The following MCTP1 variants were observed in gnomAD, a reference collection of about 807,000 sequenced individuals.
MCTP1 encodes the protein multiple C2 and transmembrane domain containing 1.
MCTP1 carries 69 observed loss-of-function variants against 120.6 expected under a neutral mutation model. That is an observed-to-expected ratio of 0.57 (90% CI 0.47 to 0.70). The LOEUF (loss-of-function observed/expected upper bound fraction) is 0.70, where lower values mean the gene tolerates loss of function less well. Ranked by LOEUF, MCTP1 falls within the 30% of genes least tolerant of loss-of-function variation. The pLI is 0.00. For missense variants in MCTP1, 1,203 were observed against 1,248.8 expected, an observed-to-expected ratio of 0.96 and a Z score of 0.55; for synonymous variants, 529 against 493.1, an observed-to-expected ratio of 1.07 and a Z score of -0.96.
chr5:94,856,478 T>C (rs1794743656), intron 17 of MCTP1, among the ~76,000 whole-genome samples: 1 of 151,740 alleles, frequency 6.6e-6, no homozygotes. Flanking sequence ...TATTTGAGGA[T>C]AAAATGCATT....
chr5:95,038,718 G>A (rs1027213914), intron 1 of MCTP1, among the ~76,000 whole-genome samples: 1 of 152,208 alleles, frequency 6.6e-6, no homozygotes, highest in Non-Finnish European at 1.5e-5. Flanking sequence ...ACACATTTAT[G>A]CAGTGTTTAC....
At chr5:95,047,317 C>G (rs1207859189) in intron 1 of MCTP1, among the ~76,000 whole-genome samples, 1 of 152,106 alleles carries the variant, frequency 6.6e-6, no homozygotes, top group Non-Finnish European at 1.5e-5. Context: ...GACCACGGAG[C>G]ACTGAGCAGG....
At chr5:95,194,191 G>C (rs1344036024) in intron 1 of MCTP1, among the ~76,000 whole-genome samples, 1 of 152,036 alleles carries the variant, frequency 6.6e-6, no homozygotes, top group South Asian at 2.1e-4. Flanking sequence ...AACAGAGTAA[G>C]AGTGAGACAC....
At position 94,912,946 on chromosome 5, in the gene MCTP1, G is replaced by C. The variant is rs541358735; in HGVS notation, c.1381C>G (p.Leu461Val). ...FQTQSLRLSD[L>V]HRKSHLWRGI... ...CTCCAAAGATGCGATTTTCTGTGTAGGTCTGATAGGCGTAAACTTTGGGTC... is the reference window on the plus strand; with the variant it reads ...CTCCAAAGATGCGATTTTCTGTGTACGTCTGATAGGCGTAAACTTTGGGTC... The change falls in exon 9 of 23, where the codon CTA becomes GTA. Residue 461 changes from leucine (L) to valine (V), a missense_variant. Leu to Val is a conservative substitution (Grantham distance 32). Transcript: ENST00000515393. 8.1e-6 allele frequency: 13 copies of C among 1,598,994 alleles called. No individual in the cohort carries two copies. The South Asian group carries it at 1.5e-4, about 18-fold the overall frequency.
In MCTP1 at chr5:95,284,729, C is replaced by G. The variant is rs936629810; in HGVS notation, c.-154G>C. 8.6e-5 allele frequency among the ~76,000 whole-genome samples: 13 copies of G among 151,760 alleles called. No homozygotes were observed. The highest frequency in any genetic ancestry group is 1.5e-4 in the Non-Finnish European group (10 of 67,870). ...AGCAGCAGAAACCGGGAGTGCCCAG[C>G]GACTTCAGGCCAGCTCGGGGGAAAG... On this transcript the variant is annotated 5_prime_UTR_variant, in exon 1 of 23. Transcript: ENST00000515393. This position sits in a 1 kb window ranked among gnomAD's most constrained non-coding sequence, Gnocchi z 5.2.
chr5:94,974,209 T>C lies in MCTP1; in HGVS notation c.839-20848A>G, dbSNP rs557647946. ...TCATATGTGGAATGATTTATTTCAA[T>C]TGAGATAACAGTTACTAATTATCTA... On this transcript the variant is annotated intron_variant, in intron 2 of 22. Transcript: ENST00000515393. 5.9e-5 allele frequency among the ~76,000 whole-genome samples: 9 copies of C among 152,306 alleles called. No individual in the cohort carries two copies. In the South Asian group the frequency reaches 1.9e-3, roughly 32 times the overall value.
At chr5:94,954,685 A>T (rs1822111218) in intron 2 of MCTP1, among the ~76,000 whole-genome samples, 1 of 152,198 alleles carries the variant, frequency 6.6e-6, no homozygotes, top group Non-Finnish European at 1.5e-5. Flanking sequence ...ATCTTCACTG[A>T]TTTAAATAGT....
At chr5:94,949,916 T>C (rs901348575) in intron 3 of MCTP1, among the ~76,000 whole-genome samples, 5 of 152,116 alleles carry the variant, frequency 3.3e-5, no homozygotes, top group Non-Finnish European at 2.9e-5. Context: ...ATAAAAATGA[T>C]GCAATTTTTA....
At chr5:95,068,120 TTA>T (rs1386586659) in intron 1 of MCTP1, among the ~76,000 whole-genome samples, 1 of 152,212 alleles carries the variant, frequency 6.6e-6, no homozygotes, top group African/African-American at 2.4e-5. Context: ...AAATTTATCA[TTA>T]TCCTATTTAA....
chr5:94,900,889 A>G (rs1805343792), intron 10 of MCTP1, among the ~76,000 whole-genome samples: 1 of 152,238 alleles, frequency 6.6e-6, no homozygotes, highest in Non-Finnish European at 1.5e-5. Flanking sequence ...CATGGATGAA[A>G]AAGTACTTTG....
At chr5:94,888,277 C>T (rs967196174) in intron 12 of MCTP1, among the ~76,000 whole-genome samples, 2 of 152,148 alleles carry the variant, frequency 1.3e-5, no homozygotes, top group Non-Finnish European at 2.9e-5. Context: ...TAGTATTATG[C>T]AAATCAGGAA....
rs145606617 is a variant in MCTP1, at chr5:94,706,578, G to GTTTTTTTTTTTTTTT, written c.*917_*918insAAAAAAAAAAAAAAA. On this transcript the variant is annotated 3_prime_UTR_variant, in exon 23 of 23. Coordinates refer to ENST00000515393, the MANE Select transcript of MCTP1 (RefSeq NM_024717.7). ...TTTCAGTAATCTAATGAGAAAGCAG[G>GTTTTTTTTTTTTTTT]TTTTTTTTTTCTCTGAGAGCACTTG... is the stretch of plus-strand genomic sequence containing the variant. 1 of 146,670 alleles carries GTTTTTTTTTTTTTTT rather than the reference G, an allele frequency of 6.8e-6. No homozygotes were observed. The allele number at this position is 146,670 out of a possible 1,614,324, so 9.1% of individuals were successfully genotyped here. A position where few individuals can be genotyped will look rare whatever the true frequency, so the allele number is the denominator to read the frequency against.
At chr5:94,895,979 T>C (rs1199019984) in intron 10 of MCTP1, among the ~76,000 whole-genome samples, 2 of 152,108 alleles carry the variant, frequency 1.3e-5, no homozygotes, top group Admixed American at 6.6e-5. Context: ...TCCTGAGAAA[T>C]TGAGAGATTA....
At chr5:95,123,090 T>C (rs1326219827) in intron 1 of MCTP1, among the ~76,000 whole-genome samples, 1 of 152,180 alleles carries the variant, frequency 6.6e-6, no homozygotes, top group East Asian at 1.9e-4. Flanking sequence ...TAAAAAATAA[T>C]TGTACATTTT....
intron 2 of MCTP1, among the ~76,000 whole-genome samples, chr5:95,005,766 C>G (rs1040322525): frequency 1.5e-4 from 3 of 20,534 alleles, no homozygotes; most frequent in Non-Finnish European, 4.2e-4. Context: ...TCTTTTCTTT[C>G]TTTATTTTTT....
At chr5:95,176,291 A>G (rs1747966808) in intron 1 of MCTP1, among the ~76,000 whole-genome samples, 1 of 152,076 alleles carries the variant, frequency 6.6e-6, no homozygotes, top group Non-Finnish European at 1.5e-5. Flanking sequence ...TTGGGAGGCA[A>G]AGGTGGGCAG....
intron 2 of MCTP1, among the ~76,000 whole-genome samples, chr5:95,010,888 G>A (rs548047840): frequency 1.3e-5 from 2 of 152,142 alleles, no homozygotes; most frequent in Non-Finnish European, 2.9e-5. Flanking sequence ...AACACACACT[G>A]TCCAAAAGGT....
Position 95,124,696 on chromosome 5 carries a change from G to A in MCTP1, c.721-107212C>T, listed in dbSNP as rs7725558. On this transcript the variant is annotated intron_variant, in intron 1 of 22. Coordinates refer to ENST00000515393, the MANE Select transcript of MCTP1 (RefSeq NM_024717.7). ...GAAAAGCATAATTCCTACGTTTGTA[G>A]AACTTATACTCTATATCATTTCCCT... 5.2e-3 allele frequency among the ~76,000 whole-genome samples: 791 copies of A among 152,256 alleles called. 5 individuals are homozygous for A. The highest frequency in any genetic ancestry group is 0.018 in the African/African-American group (737 of 41,538).
At chr5:94,785,503 G>T (rs536042670) in intron 18 of MCTP1, among the ~76,000 whole-genome samples, 3 of 151,910 alleles carry the variant, frequency 2.0e-5, no homozygotes, top group African/African-American at 7.2e-5. Context: ...TACACCAAAG[G>T]CCAAAAAATT....
Sources: allele counts gnomAD v4.1 joint callset (sites outside exome capture counted in the v4.1 genomes callset), GRCh38; gene constraint gnomAD v4.1.1; non-coding constraint Gnocchi (gnomAD v3.1); transcripts MANE v1.5; gene names NCBI Gene and HGNC (gene_info 2026-07-23, HGNC 2026-07-21).